DNM1: variants seen among roughly 807,000 people sequenced by gnomAD.
DNM1 encodes the protein dynamin-1.
A neutral mutation model predicts 104.6 loss-of-function variants in DNM1; 29 were observed. That is an observed-to-expected ratio of 0.28 (90% confidence interval 0.21 to 0.38). The LOEUF is 0.38. Ranked by LOEUF, DNM1 falls within the 10% of genes least tolerant of loss-of-function variation. The probability of loss-of-function intolerance (pLI) is 1.00; values close to 1 mark genes in which losing one functional copy is unlikely to be tolerated. For synonymous variants in DNM1, 445 were observed against 475.8 expected, an observed-to-expected ratio of 0.94 and a Z score of 0.84; for missense variants, 640 against 1,189.4, an observed-to-expected ratio of 0.54 and a Z score of 6.79.
In DNM1 at chr9:128,203,433, C is replaced by A; in HGVS notation, c.-38C>A. 7.0e-7 allele frequency: 1 copy of A among 1,427,538 alleles called. No homozygotes were observed. The highest frequency in any genetic ancestry group is 9.2e-7 in the Non-Finnish European group (1 of 1,086,854). The allele number at this position is 1,427,538 out of a possible 1,614,324, so 88.4% of individuals were successfully genotyped here. On this transcript the variant is annotated 5_prime_UTR_variant, in exon 1 of 22. Coordinates refer to ENST00000372923, the MANE Select transcript of DNM1 (RefSeq NM_004408.4). This position sits in a 1 kb window ranked among gnomAD's most constrained non-coding sequence, Gnocchi z 5.3. ...CCGGAGTCGGAGCCGGGAGCGCTAG[C>A]GGCAGCCGGATCGCAGCCTGCGGGG...
At position 128,253,182 on chromosome 9, in the gene DNM1, C is replaced by T. The variant is rs1330796881; in HGVS notation, c.2535-1472C>T. 1 of 1,587,818 alleles carries T rather than the reference C, an allele frequency of 6.3e-7. No homozygotes were observed. The highest frequency in any genetic ancestry group is 1.3e-5 in the African/African-American group (1 of 74,630). ...CCTGCTGCATGAACGGTGTGTCTGC[C>T]CCGCTGCACTAGCTCCACACGGGGC... is the stretch of plus-strand genomic sequence containing the variant. On this transcript the variant is annotated intron_variant, in intron 21 of 21. Coordinates refer to ENST00000372923, the MANE Select transcript of DNM1 (RefSeq NM_004408.4). The surrounding 1 kb of genome is among the most constrained non-coding windows in gnomAD (Gnocchi z 5.9).
chr9:128,244,193 A>G (rs1007067319), intron 15 of DNM1, among the ~76,000 whole-genome samples: 1 of 148,352 alleles, frequency 6.7e-6, no homozygotes, highest in Non-Finnish European at 1.5e-5. Context: ...GAATCTGTGT[A>G]TGTCTTTGGG....
intron 10 of DNM1, chr9:128,232,109 A>G (rs769809728): frequency 3.1e-5 from 14 of 451,242 alleles, no homozygotes; most frequent in Non-Finnish European, 2.7e-5. Context: ...AACTTGAGAC[A>G]TGTGACATCC....
In DNM1 at chr9:128,250,373, C is replaced by T. The variant is rs1490192817; in HGVS notation, c.2318+17C>T. The T allele has an allele frequency of 1.3e-6, 2 of 1,557,458 alleles. No individual in the cohort carries two copies. Among genetic ancestry groups the T allele is most frequent in the South Asian group, 1.2e-5 (1 of 85,976 alleles). On this transcript the variant is annotated intron_variant, in intron 20 of 21. Coordinates refer to ENST00000372923, the MANE Select transcript of DNM1 (RefSeq NM_004408.4). Reference sequence around the variant, plus strand: ...CGGACGCAGGTACCAGGGCCGGCCCCCACGGCCCCAAAGCCCCCCAGCCCG... The same window carrying T: ...CGGACGCAGGTACCAGGGCCGGCCCTCACGGCCCCAAAGCCCCCCAGCCCG...
intron 10 of DNM1, among the ~76,000 whole-genome samples, chr9:128,227,020 T>C (rs1166662123): frequency 6.8e-6 from 1 of 146,520 alleles, no homozygotes; most frequent in Non-Finnish European, 1.5e-5. Context: ...TTTTTTTTTT[T>C]TTTTTTTTTT....
chr9:128,226,640 C>T (rs1253520912), intron 10 of DNM1, among the ~76,000 whole-genome samples: 1 of 152,156 alleles, frequency 6.6e-6, no homozygotes, highest in Non-Finnish European at 1.5e-5. Context: ...GCCTCCTGGG[C>T]AGGGGGAGCT....
Position 128,240,063 on chromosome 9 carries a change from A to T in DNM1, c.1557+67A>T. 1 of 1,583,228 alleles carries T rather than the reference A, an allele frequency of 6.3e-7. No individual in the cohort carries two copies. The highest frequency in any genetic ancestry group is 8.7e-7 in the Non-Finnish European group (1 of 1,152,612). ...GGCGGAGGGTCCATCGGCAGTGGGGATCTGCAACGGGTAGGAGGGCACCCT... is the reference window on the plus strand; with the variant it reads ...GGCGGAGGGTCCATCGGCAGTGGGGTTCTGCAACGGGTAGGAGGGCACCCT... On this transcript the variant is annotated intron_variant, in intron 14 of 21. Transcript: ENST00000372923. The surrounding 1 kb of genome is among the most constrained non-coding windows in gnomAD (Gnocchi z 5.1).
In DNM1 at chr9:128,218,908, G is replaced by T; in HGVS notation, c.386-141G>T. On this transcript the variant is annotated intron_variant, in intron 3 of 21. Transcript: ENST00000372923. This position sits in a 1 kb window ranked among gnomAD's most constrained non-coding sequence, Gnocchi z 4.8. Reference sequence around the variant, plus strand: ...CTTCCGGCCACGCCTCCAACAGACTGCCACTTTCGCCCTGAGATTTCCTAG... The same window carrying T: ...CTTCCGGCCACGCCTCCAACAGACTTCCACTTTCGCCCTGAGATTTCCTAG... 4 of 1,279,886 alleles carry T rather than the reference G, an allele frequency of 3.1e-6. No individual in the cohort carries two copies. The highest frequency in any genetic ancestry group is 4.3e-6 in the Non-Finnish European group (4 of 933,250). 79.3% of individuals were successfully genotyped at this position (1,279,886 alleles called of 1,614,324 possible). A position where few individuals can be genotyped will look rare whatever the true frequency, so the allele number is the denominator to read the frequency against.
At chr9:128,219,008 C>T (rs988210313) in intron 3 of DNM1, 41 bp from the exon 4 acceptor site, 8 of 1,605,596 alleles carry the variant, frequency 5.0e-6, no homozygotes, top group Non-Finnish European at 4.3e-6. Context: ...CCCGCGGCCA[C>T]GCCCCTCGCC....
chr9:128,204,927 T>C (rs1014451110), intron 1 of DNM1: 1 of 152,294 alleles, frequency 6.6e-6, no homozygotes, highest in Non-Finnish European at 1.5e-5. Flanking sequence ...ATCTCTAACA[T>C]GGACAGTGGG....
rs373022738 is a variant in DNM1, at chr9:128,253,052, C to T, written c.2535-1602C>T. The stretch of plus-strand genomic sequence containing the variant: ...TGTGTGTCCCCCACCCCCAGGCCGG[C>T]CCCACCCGTGCGTGTGAACTGCCAT... On this transcript the variant is annotated intron_variant, in intron 21 of 21. Coordinates refer to ENST00000372923, the MANE Select transcript of DNM1 (RefSeq NM_004408.4). This position sits in a 1 kb window ranked among gnomAD's most constrained non-coding sequence, Gnocchi z 5.9. 6.2e-7 allele frequency: 1 copy of T among 1,604,440 alleles called. No homozygotes were observed.
At chr9:128,217,480 G>A (rs544213183) in intron 1 of DNM1, among the ~76,000 whole-genome samples, 234 of 152,200 alleles carry the variant, frequency 1.5e-3, no homozygotes, top group Non-Finnish European at 2.6e-3. Flanking sequence ...GCAATGGCGC[G>A]ATCTTGGCTC....
intron 1 of DNM1, among the ~76,000 whole-genome samples, chr9:128,206,275 C>T (rs1372289525): frequency 1.3e-5 from 2 of 152,230 alleles, no homozygotes; most frequent in East Asian, 3.9e-4. Context: ...GAGGATCCTG[C>T]TGTCAACTCT....
chr9:128,207,562 G>T (rs939644604), intron 1 of DNM1, among the ~76,000 whole-genome samples: 31 of 151,990 alleles, frequency 2.0e-4, no homozygotes, highest in African/African-American at 7.3e-4. Context: ...AGTCTGGTGG[G>T]AATGTGGCAG....
At position 128,236,278 on chromosome 9, in the gene DNM1, T is replaced by C. The variant is rs56793960; in HGVS notation, c.1422+2171T>C. Among the ~76,000 whole-genome samples the C allele has an allele frequency of 4.9e-3, 740 of 152,306 alleles. 6 individuals carry two copies. The highest frequency in any genetic ancestry group is 0.017 in the African/African-American group (702 of 41,578). ...CTCGGAGGCTAGTCCTCCTTTCTGA[T>C]CCCTGTCTGCCATGCCCCTACATGT... On this transcript the variant is annotated intron_variant, in intron 11 of 21. Coordinates refer to ENST00000372923, the MANE Select transcript of DNM1 (RefSeq NM_004408.4).
chr9:128,246,273 C>T, intron 15 of DNM1, 121 bp from the exon 16 acceptor site: 2 of 729,534 alleles, frequency 2.7e-6, no homozygotes, highest in East Asian at 2.6e-5. Flanking sequence ...CTAGCTGCAC[C>T]TTCGCAGTGG....
At chr9:128,214,890 G>A (rs897211588) in intron 1 of DNM1, among the ~76,000 whole-genome samples, 1 of 152,228 alleles carries the variant, frequency 6.6e-6, no homozygotes, top group Non-Finnish European at 1.5e-5. Context: ...CCAGGAGCTG[G>A]AGGCTGGATC....
Position 128,239,758 on chromosome 9 carries a change from G to A in DNM1, c.1524G>A (p.Lys508=), listed in dbSNP as rs1057523085. The A allele has an allele frequency of 6.2e-7, 1 of 1,613,776 alleles. No individual in the cohort carries two copies. The highest frequency in any genetic ancestry group is 8.5e-7 in the Non-Finnish European group (1 of 1,179,920). ...NAQQRSNQMN[K]KKTSGNQDEI... ...AGCAGAGGAGCAACCAGATGAACAA[G>A]AAGAAGACTTCAGGGAACCAGGTGA... Residue 508 remains lysine (K), a synonymous_variant, in exon 13 of 22, where the codon AAG becomes AAA. Transcript: ENST00000372923.
Position 128,254,568 on chromosome 9 carries a change from GCCCCGGCCGT to G in DNM1, c.2535-85_2535-76del, listed in dbSNP as rs1045486479. The G allele has an allele frequency of 1.3e-6, 2 of 1,586,590 alleles. No homozygotes were observed. Among genetic ancestry groups the G allele is most frequent in the Non-Finnish European group, 1.7e-6 (2 of 1,173,292 alleles). ...TCCCACCACTGCTGCGGCGCGGCCG[GCCCCGGCCGT>G]GTGCTGCGCTTGCCTTACCAGCTCT... On this transcript the variant is annotated intron_variant, in intron 21 of 21. Coordinates refer to ENST00000372923, the MANE Select transcript of DNM1 (RefSeq NM_004408.4). This position sits in a 1 kb window ranked among gnomAD's most constrained non-coding sequence, Gnocchi z 6.1.
Sources: gnomAD v4.1 joint callset for allele counts (sites outside exome capture counted in the v4.1 genomes callset) on GRCh38, gnomAD v4.1.1 for gene constraint, Gnocchi (gnomAD v3.1) non-coding constraint, MANE v1.5 for transcripts, NCBI Gene and HGNC (gene_info 2026-07-23, HGNC 2026-07-21) for gene names.